The following CDKAL1 variants were observed in gnomAD, a reference collection of about 807,000 sequenced individuals.
CDKAL1 encodes the protein CDKAL1 threonylcarbamoyladenosine tRNA methylthiotransferase.
Under a neutral mutation model 68.2 loss-of-function variants are expected in CDKAL1, and 32 were observed. The observed-to-expected ratio is 0.47, with a 90% confidence interval of 0.35 to 0.63. The LOEUF is 0.63. Ranked by LOEUF, CDKAL1 falls within the 30% of genes least tolerant of loss-of-function variation. The pLI is 0.00. For missense variants in CDKAL1, 606 were observed against 696.7 expected (o/e 0.87, Z 1.47); for synonymous variants, 234 against 244.3 (o/e 0.96, Z 0.39).
intron 8 of CDKAL1, among the ~76,000 whole-genome samples, chr6:20,845,145 A>T (rs1466361486): frequency 6.6e-6 from 1 of 152,236 alleles, no homozygotes; most frequent in Non-Finnish European, 1.5e-5. Context: ...TCAATTGTTA[A>T]AAGTACAATT....
At chr6:20,962,335 GTTTGGAAATCTT>G (rs1765098816) in intron 10 of CDKAL1, among the ~76,000 whole-genome samples, 2 of 152,008 alleles carry the variant, frequency 1.3e-5, no homozygotes, top group African/African-American at 4.8e-5. Context: ...TCTGTTTTTG[GTTTGGAAATCTT>G]TTAATCACCG....
intron 9 of CDKAL1, among the ~76,000 whole-genome samples, chr6:20,938,653 C>T (rs752427809): frequency 6.6e-6 from 1 of 151,966 alleles, no homozygotes; most frequent in Non-Finnish European, 1.5e-5. Flanking sequence ...TCTCAGGAAA[C>T]CTTTTCTTCC....
At chr6:21,160,572 A>G (rs2151062622) in intron 13 of CDKAL1, among the ~76,000 whole-genome samples, 1 of 147,614 alleles carries the variant, frequency 6.8e-6, no homozygotes, top group Middle Eastern at 3.5e-3. Flanking sequence ...CTGGGATTAC[A>G]GGCGTGAGCC....
intron 12 of CDKAL1, among the ~76,000 whole-genome samples, chr6:21,071,899 G>A (rs1163756274): frequency 7.2e-5 from 11 of 152,108 alleles, no homozygotes; most frequent in East Asian, 3.9e-4. Flanking sequence ...AGTGACTCTC[G>A]GGAGAAAGAG....
chr6:20,548,148 C>G (rs758737979), intron 3 of CDKAL1, among the ~76,000 whole-genome samples: 4 of 152,052 alleles, frequency 2.6e-5, no homozygotes, highest in Admixed American at 2.0e-4. Context: ...TAAGTTGGTG[C>G]GTTTAATGAA....
intron 13 of CDKAL1, among the ~76,000 whole-genome samples, chr6:21,137,502 C>T (rs1292795748): frequency 6.6e-6 from 1 of 152,172 alleles, no homozygotes; most frequent in East Asian, 1.9e-4. Context: ...AAACAATGGG[C>T]TAAAGTCATC....
intron 9 of CDKAL1, among the ~76,000 whole-genome samples, chr6:20,917,666 CT>C (rs1561883434): frequency 1.3e-5 from 2 of 152,140 alleles, no homozygotes; most frequent in African/African-American, 4.8e-5. Flanking sequence ...ACCCTTTCCC[CT>C]GAGTCCCCAA....
intron 5 of CDKAL1, among the ~76,000 whole-genome samples, chr6:20,654,075 G>T (rs1768906016): frequency 1.3e-5 from 2 of 151,864 alleles, no homozygotes; most frequent in Non-Finnish European, 1.5e-5. Flanking sequence ...TAGAGATGTG[G>T]TTTCACTGTG....
At chr6:20,579,102 C>A (rs148111263) in intron 4 of CDKAL1, among the ~76,000 whole-genome samples, 3 of 152,122 alleles carry the variant, frequency 2.0e-5, no homozygotes, top group African/African-American at 7.2e-5. Flanking sequence ...CTCAGCCTTC[C>A]GAGTAGCTGG....
chr6:20,718,009 A>T (rs2328549), intron 5 of CDKAL1, among the ~76,000 whole-genome samples: 27,984 of 152,074 alleles, frequency 0.18, 3,025 homozygotes, highest in East Asian at 0.5. Context: ...AGGCTTGTGA[A>T]ATCCTAGTGG....
intron 6 of CDKAL1, among the ~76,000 whole-genome samples, chr6:20,747,382 T>C (rs1227929534): frequency 6.6e-6 from 1 of 152,202 alleles, no homozygotes; most frequent in Admixed American, 6.5e-5. Flanking sequence ...GGTAGTTCTA[T>C]TTTTAAGTCT....
chr6:21,120,780 T>A (rs1774671772), intron 13 of CDKAL1, among the ~76,000 whole-genome samples: 1 of 152,206 alleles, frequency 6.6e-6, no homozygotes, highest in Non-Finnish European at 1.5e-5. Context: ...AAGAGCTGCC[T>A]CATTCTTTTT....
intron 13 of CDKAL1, among the ~76,000 whole-genome samples, chr6:21,187,209 A>G (rs1469475344): frequency 2.0e-5 from 3 of 152,200 alleles, no homozygotes; most frequent in Non-Finnish European, 4.4e-5. Flanking sequence ...TAATTGGGTA[A>G]TTCACCACTT....
At chr6:21,139,285 T>C (rs933125853) in intron 13 of CDKAL1, among the ~76,000 whole-genome samples, 6 of 152,196 alleles carry the variant, frequency 3.9e-5, no homozygotes, top group Admixed American at 3.9e-4. Context: ...AACTGTTCCC[T>C]TCTGGCAGAA....
At chr6:20,566,181 A>G (rs1398935652) in intron 4 of CDKAL1, among the ~76,000 whole-genome samples, 2 of 152,176 alleles carry the variant, frequency 1.3e-5, no homozygotes, top group East Asian at 1.9e-4. Flanking sequence ...ATTAAAAGAA[A>G]TGCAATCAAA....
chr6:20,563,837 T>G (rs1218501518), intron 4 of CDKAL1, among the ~76,000 whole-genome samples: 1 of 152,226 alleles, frequency 6.6e-6, no homozygotes, highest in East Asian at 1.9e-4. Context: ...AAACGATTTT[T>G]ACAGAATCTT....
intron 10 of CDKAL1, among the ~76,000 whole-genome samples, chr6:20,965,822 T>G (rs1765280121): frequency 6.6e-6 from 1 of 152,238 alleles, no homozygotes; most frequent in African/African-American, 2.4e-5. Flanking sequence ...TTTATCTTCC[T>G]CATTAATTTA....
intron 4 of CDKAL1, among the ~76,000 whole-genome samples, chr6:20,620,349 A>C (rs943491350): frequency 6.6e-6 from 1 of 152,200 alleles, no homozygotes; most frequent in Non-Finnish European, 1.5e-5. Flanking sequence ...AAATAGCATA[A>C]ATTCTTAAAG....
chr6:20,953,050 T>A (rs1764611332), intron 9 of CDKAL1, among the ~76,000 whole-genome samples: 1 of 152,258 alleles, frequency 6.6e-6, no homozygotes, highest in African/African-American at 2.4e-5. Flanking sequence ...AAGGGTTTCA[T>A]TTTGCTCATG....
Sources: gnomAD v4.1 joint callset for allele counts (sites outside exome capture counted in the v4.1 genomes callset) on GRCh38, gnomAD v4.1.1 for gene constraint, MANE v1.5 for transcripts, NCBI Gene and HGNC (gene_info 2026-07-23, HGNC 2026-07-21) for gene names.